TENM2: variants seen among roughly 807,000 people sequenced by gnomAD.
TENM2 encodes the protein teneurin-2.
In TENM2, 52 loss-of-function variants were observed where a neutral mutation model predicts 245.2. The ratio of observed to expected loss-of-function variants is 0.21; its 90% CI spans 0.17 to 0.27. The LOEUF (loss-of-function observed/expected upper bound fraction) is 0.27. TENM2 is among the 10% of genes least tolerant of loss of function. The pLI, the probability that TENM2 is intolerant of heterozygous loss-of-function variation, is 1.00. For missense variants in TENM2, 3,046 were observed against 3,666.8 expected, an observed-to-expected ratio of 0.83 and a Z score of 4.37; for synonymous variants, 1,363 against 1,438.9, an observed-to-expected ratio of 0.95 and a Z score of 1.19.
At chr5:167,715,968 T>C (rs1759226449) in intron 2 of TENM2, among the ~76,000 whole-genome samples, 1 of 152,202 alleles carries the variant, frequency 6.6e-6, no homozygotes, top group Non-Finnish European at 1.5e-5. Flanking sequence ...AGTCCAGCAA[T>C]TAGGCACACT....
At chr5:167,174,755 TC>T in the TENM2 span, among the ~76,000 whole-genome samples, 2 of 152,244 alleles carry the variant, frequency 1.3e-5, no homozygotes, top group East Asian at 3.9e-4. Context: ...GTACATTAGG[TC>T]CCTAAACTTA....
At chr5:167,178,138 A>G in the TENM2 span, among the ~76,000 whole-genome samples, 2 of 152,236 alleles carry the variant, frequency 1.3e-5, no homozygotes, top group East Asian at 3.9e-4. Context: ...GGCTATTAAT[A>G]TAAACTCATT....
chr5:168,221,673 A>G (rs1214424627), intron 23 of TENM2, among the ~76,000 whole-genome samples: 1 of 152,216 alleles, frequency 6.6e-6, no homozygotes, highest in Admixed American at 6.5e-5. Flanking sequence ...AGAAACTTCC[A>G]GGACATCCAA....
At chr5:167,765,699 A>G (rs1295511155) in intron 2 of TENM2, among the ~76,000 whole-genome samples, 1 of 152,142 alleles carries the variant, frequency 6.6e-6, no homozygotes, top group Non-Finnish European at 1.5e-5. Context: ...TTAATGTCAA[A>G]ATTGATCCCA....
chr5:168,113,054 T>C (rs1262098702), intron 9 of TENM2, among the ~76,000 whole-genome samples: 1 of 152,216 alleles, frequency 6.6e-6, no homozygotes, highest in Non-Finnish European at 1.5e-5. Flanking sequence ...TAGTGGCTCA[T>C]GCCTATAATC....
intron 2 of TENM2, among the ~76,000 whole-genome samples, chr5:167,381,231 T>C (rs1761081628): frequency 6.6e-6 from 1 of 152,168 alleles, no homozygotes. Flanking sequence ...ATTATGTATA[T>C]AGGCTTATAC....
intron 6 of TENM2, among the ~76,000 whole-genome samples, chr5:168,057,487 C>T (rs1282614813): frequency 6.6e-6 from 1 of 152,166 alleles, no homozygotes; most frequent in Admixed American, 6.5e-5. Context: ...TTGAGAAATA[C>T]ACCTGCCTAA....
the TENM2 span, among the ~76,000 whole-genome samples, chr5:167,271,071 C>T: frequency 2.0e-5 from 3 of 152,026 alleles, no homozygotes; most frequent in South Asian, 4.1e-4. Context: ...GTGTGGCTTT[C>T]AATCTCATTT....
chr5:168,091,950 G>T (rs957992108), intron 8 of TENM2, among the ~76,000 whole-genome samples: 4 of 152,202 alleles, frequency 2.6e-5, no homozygotes, highest in Non-Finnish European at 5.9e-5. Context: ...GAAGTAGAGG[G>T]TGATGTGAGT....
the TENM2 span, among the ~76,000 whole-genome samples, chr5:167,231,495 C>T: frequency 6.6e-6 from 1 of 152,116 alleles, no homozygotes; most frequent in Non-Finnish European, 1.5e-5. Flanking sequence ...TTGCTCCTCC[C>T]CTAGAGATCT....
At chr5:167,352,488 G>A (rs184435402) in intron 1 of TENM2, among the ~76,000 whole-genome samples, 137 of 152,178 alleles carry the variant, frequency 9.0e-4, no homozygotes, top group African/African-American at 3.2e-3. Flanking sequence ...GTTTTGCCAC[G>A]TGATCCTCCC....
intron 2 of TENM2, among the ~76,000 whole-genome samples, chr5:167,587,583 G>T (rs997313774): frequency 6.6e-6 from 1 of 152,104 alleles, no homozygotes; most frequent in Non-Finnish European, 1.5e-5. Context: ...CTAGAGAGAA[G>T]AATTGGAAAA....
intron 5 of TENM2, among the ~76,000 whole-genome samples, chr5:168,038,698 AC>A (rs1787919429): frequency 6.6e-6 from 1 of 152,188 alleles, no homozygotes; most frequent in Admixed American, 6.5e-5. Flanking sequence ...AGAAATGTGA[AC>A]CCTGATTGAC....
At chr5:167,625,086 C>A (rs1778412415) in intron 2 of TENM2, among the ~76,000 whole-genome samples, 1 of 152,068 alleles carries the variant, frequency 6.6e-6, no homozygotes, top group South Asian at 2.1e-4. Context: ...TACCCCCAAG[C>A]AGAGAGCTGT....
At chr5:167,361,169 A>T (rs1391634092) in intron 1 of TENM2, among the ~76,000 whole-genome samples, 1 of 152,196 alleles carries the variant, frequency 6.6e-6, no homozygotes, top group East Asian at 1.9e-4. Context: ...GGATAGACTT[A>T]TCCAAGGTTT....
At chr5:168,045,031 T>C (rs73803859) in intron 5 of TENM2, among the ~76,000 whole-genome samples, 165 of 152,270 alleles carry the variant, frequency 1.1e-3, no homozygotes, top group African/African-American at 3.8e-3. Flanking sequence ...ATTTACTTAA[T>C]GTTCAGTTCA....
chr5:167,046,299 A>C, the TENM2 span, among the ~76,000 whole-genome samples: 1 of 151,446 alleles, frequency 6.6e-6, no homozygotes, highest in Non-Finnish European at 1.5e-5. Flanking sequence ...TCCATGTTGG[A>C]AAAAAAAAGC....
At chr5:168,229,667 A>ACTT (rs1219632126) in intron 25 of TENM2, 1 of 152,196 alleles carries the variant, frequency 6.6e-6, no homozygotes, top group Non-Finnish European at 1.5e-5. Flanking sequence ...TTGGGTTGTA[A>ACTT]CTTTTTTGCT....
chr5:168,219,704 TG>T (rs1434130713), intron 23 of TENM2, among the ~76,000 whole-genome samples: 2 of 151,756 alleles, frequency 1.3e-5, no homozygotes, highest in Non-Finnish European at 2.9e-5. Flanking sequence ...TATAAATATC[TG>T]GCTCTCCTAG....
Sources: allele counts gnomAD v4.1 joint callset (sites outside exome capture counted in the v4.1 genomes callset), GRCh38; gene constraint gnomAD v4.1.1; transcripts MANE v1.5; gene names NCBI Gene and HGNC (gene_info 2026-07-23, HGNC 2026-07-21).